NBAS: variants seen among roughly 807,000 people sequenced by gnomAD.
The protein encoded by NBAS is NAG/BC035112 fusion.
Under a neutral mutation model 302.5 loss-of-function variants are expected in NBAS, and 219 were observed. The observed-to-expected ratio is 0.72, with a 90% CI of 0.65 to 0.81. The LOEUF (loss-of-function observed/expected upper bound fraction) is 0.81. Ranked by LOEUF, NBAS falls within the 30% of genes least tolerant of loss-of-function variation. The pLI is 0.00. For missense variants in NBAS, 2,932 were observed against 2,841.6 expected (o/e 1.03, Z -0.72); for synonymous variants, 1,118 against 1,021.6 (o/e 1.09, Z -1.80).
intron 47 of NBAS, among the ~76,000 whole-genome samples, chr2:15,230,393 CAAAAAAA>C (rs35319491): frequency 9.9e-5 from 9 of 90,508 alleles, no homozygotes; most frequent in East Asian, 3.5e-4. Context: ...ATTTTTTAGG[CAAAAAAA>C]AAAAAAAAAA....
At chr2:15,102,977 GAGGAAGGAAGGA>G in the NBAS span, among the ~76,000 whole-genome samples, 39,373 of 95,320 alleles carry the variant, frequency 0.41, 8,337 homozygotes, top group Middle Eastern at 0.49. Flanking sequence ...AGGCATTAAG[GAGGAAGGAAGGA>G]AGGAAGGAAG....
At chr2:15,348,326 C>G (rs1464244909) in intron 35 of NBAS, among the ~76,000 whole-genome samples, 1 of 152,094 alleles carries the variant, frequency 6.6e-6, no homozygotes, top group African/African-American at 2.4e-5. Flanking sequence ...GGAAGAACTC[C>G]TTTTCCTTGC....
At chr2:14,821,640 A>G in the NBAS span, among the ~76,000 whole-genome samples, 1 of 152,170 alleles carries the variant, frequency 6.6e-6, no homozygotes, top group Non-Finnish European at 1.5e-5. Flanking sequence ...AGCCAAGAAG[A>G]GAACATTACT....
At chr2:15,427,248 T>A (rs1028880668) in intron 22 of NBAS, among the ~76,000 whole-genome samples, 14 of 152,026 alleles carry the variant, frequency 9.2e-5, no homozygotes, top group African/African-American at 3.4e-4. Context: ...GAGTAGGGCA[T>A]AAAGGCATTC....
the NBAS span, among the ~76,000 whole-genome samples, chr2:14,842,455 T>C: frequency 6.6e-6 from 1 of 151,790 alleles, no homozygotes; most frequent in African/African-American, 2.4e-5. Context: ...GTGAAGATCC[T>C]AATAATTAAA....
chr2:15,428,133 T>G (rs9973328), intron 21 of NBAS, among the ~76,000 whole-genome samples: 2,638 of 152,308 alleles, frequency 0.017, 66 homozygotes, highest in African/African-American at 0.06. Flanking sequence ...TCTTCTGGAT[T>G]GTAAGCTGTT....
At chr2:15,537,747 C>T (rs962964915) in intron 7 of NBAS, among the ~76,000 whole-genome samples, 3 of 152,118 alleles carry the variant, frequency 2.0e-5, no homozygotes, top group African/African-American at 7.2e-5. Context: ...TGAGTCTAAC[C>T]ACTTCTTTGA....
At chr2:15,166,586 A>T (rs10189450), downstream of NBAS, among the ~76,000 whole-genome samples, 77,271 of 152,014 alleles carry the variant, frequency 0.51, 22,625 homozygotes, top group East Asian at 0.81. Context: ...CAAAATAGAC[A>T]TAGGTTCAAA....
At chr2:15,081,938 T>C in the NBAS span, among the ~76,000 whole-genome samples, 4 of 152,240 alleles carry the variant, frequency 2.6e-5, no homozygotes, top group African/African-American at 9.6e-5. Context: ...TCACTGACTA[T>C]GTCACCCTCA....
chr2:14,944,082 G>A, the NBAS span, among the ~76,000 whole-genome samples: 5 of 152,150 alleles, frequency 3.3e-5, no homozygotes, highest in African/African-American at 1.2e-4. Flanking sequence ...GGCGGATCAC[G>A]AGGTCAGGAG....
chr2:14,841,777 G>A, the NBAS span, among the ~76,000 whole-genome samples: 1 of 151,876 alleles, frequency 6.6e-6, no homozygotes, highest in African/African-American at 2.4e-5. Flanking sequence ...GTAATGGTCA[G>A]ATTATTCAGA....
intron 32 of NBAS, among the ~76,000 whole-genome samples, chr2:15,356,641 A>G (rs927371853): frequency 3.9e-5 from 6 of 152,196 alleles, no homozygotes; most frequent in Admixed American, 3.3e-4. Flanking sequence ...GTTCCCAATT[A>G]AAATACCCAA....
At chr2:15,551,444 C>G (rs760254681) in intron 6 of NBAS, 49 bp downstream of exon 6, 5 of 1,236,956 alleles carry the variant, frequency 4.0e-6, no homozygotes, top group Non-Finnish European at 5.9e-6. Context: ...CATTGGAAAC[C>G]ATTGCGCATT....
At chr2:14,849,859 A>G in the NBAS span, among the ~76,000 whole-genome samples, 1 of 136,422 alleles carries the variant, frequency 7.3e-6, no homozygotes, top group Non-Finnish European at 1.5e-5. Context: ...GAAATAAAAT[A>G]CTTTACAGAC....
chr2:15,515,147 C>T (rs1662327764), intron 9 of NBAS, among the ~76,000 whole-genome samples: 1 of 152,056 alleles, frequency 6.6e-6, no homozygotes, highest in Admixed American at 6.5e-5. Context: ...ACAAAACTGG[C>T]AGCTGCTGAG....
intron 9 of NBAS, among the ~76,000 whole-genome samples, chr2:15,533,242 T>C (rs1366350706): frequency 1.3e-5 from 2 of 152,178 alleles, no homozygotes; most frequent in Non-Finnish European, 2.9e-5. Context: ...TGTACTAACC[T>C]GACAATCCAG....
In NBAS at chr2:15,467,773, T is replaced by C. The variant is rs1204786806; in HGVS notation, c.1909A>G (p.Ser637Gly). 1.3e-6 allele frequency: 2 copies of C among 1,593,212 alleles called. No individual in the cohort carries two copies. Among genetic ancestry groups the C allele is most frequent in the Non-Finnish European group, 1.7e-6 (2 of 1,161,480 alleles). Reference protein sequence around the residue: ...FTLPGEIDIDSISYEELSPPD... With the variant: ...FTLPGEIDIDGISYEELSPPD... ...GGTGAAAGCTCTTCATAGGAGATACTGTCAATGTCTATTTCACCAGGTAAT... is the reference window on the plus strand; with the variant it reads ...GGTGAAAGCTCTTCATAGGAGATACCGTCAATGTCTATTTCACCAGGTAAT... The change falls in exon 18 of 52, where the codon AGT (serine) becomes GGT (glycine). Residue 637 changes from serine (S) to glycine (G), a missense_variant. By Grantham distance (56) the Ser-to-Gly change is moderately conservative (BLOSUM62 0). Transcript: ENST00000281513.
At chr2:15,024,034 T>C in the NBAS span, among the ~76,000 whole-genome samples, 116,858 of 151,686 alleles carry the variant, frequency 0.77, 45,279 homozygotes, top group East Asian at 1. Flanking sequence ...TAAACTTGTA[T>C]CTCAGGGGTT....
At chr2:14,875,091 A>T in the NBAS span, among the ~76,000 whole-genome samples, 1 of 152,212 alleles carries the variant, frequency 6.6e-6, no homozygotes, top group East Asian at 1.9e-4. Context: ...AGAAAGCATG[A>T]ATATACAATC....
Sources: allele counts gnomAD v4.1 joint callset (sites outside exome capture counted in the v4.1 genomes callset), GRCh38; gene constraint gnomAD v4.1.1; transcripts MANE v1.5; gene names NCBI Gene and HGNC (gene_info 2026-07-23, HGNC 2026-07-21).